CDCP2: variants seen among roughly 807,000 people sequenced by gnomAD.
CDCP2 encodes CUB domain containing protein 2.
Under a neutral mutation model 31.0 loss-of-function variants are expected in CDCP2, and 31 were observed. The ratio of observed to expected loss-of-function variants is 1.00; its 90% confidence interval spans 0.75 to 1.35. CDCP2 has a LOEUF of 1.35. CDCP2 is among the 40% of genes most tolerant of loss of function. The pLI is 0.00. For synonymous variants in CDCP2, 206 were observed against 207.9 expected, an observed-to-expected ratio of 0.99 and a Z score of 0.08; for missense variants, 443 against 482.6, an observed-to-expected ratio of 0.92 and a Z score of 0.77.
exon 4 of CDCP2, chr1:54,139,950 G>T (rs146704826): frequency 2.2e-5 from 35 of 1,614,068 alleles, no homozygotes; most frequent in Non-Finnish European, 2.8e-5. Flanking sequence ...CAGGCTGTTG[G>T]GCTCCTCCAG....
chr1:54,147,317 G>T (rs892552261), intron 1 of CDCP2, among the ~76,000 whole-genome samples: 6 of 151,804 alleles, frequency 4.0e-5, no homozygotes, highest in Non-Finnish European at 2.9e-5. Context: ...TTAGGAAATT[G>T]ATAATAGAAA....
At position 54,139,583 on chromosome 1, in the gene CDCP2, T is replaced by C. The variant is rs371921622; in HGVS notation, c.1117+170A>G. 6 of 1,611,724 alleles carry C rather than the reference T, an allele frequency of 3.7e-6. No homozygotes were observed. In the African/African-American group the frequency reaches 8.0e-5, roughly 22 times the overall value. ...AAGCGGGAGCCGTACCGTCCAGTCT[T>C]AGGGGTCCCGAGAGTGGGCAAGGGT... On this transcript the variant is annotated intron_variant, in intron 4 of 5. Transcript: ENST00000530059.
chr1:54,150,824 A>C (rs903950963), intron 1 of CDCP2, among the ~76,000 whole-genome samples: 1 of 152,172 alleles, frequency 6.6e-6, no homozygotes, highest in African/African-American at 2.4e-5. Flanking sequence ...TGCAACCAAA[A>C]GCATCCTGAA....
exon 3 of CDCP2, chr1:54,141,124 C>T (rs775186450): frequency 4.6e-6 from 7 of 1,537,102 alleles, no homozygotes; most frequent in South Asian, 2.6e-5. Context: ...CTTGAAGCCA[C>T]GGCCTCCGAT....
intron 4 of CDCP2, among the ~76,000 whole-genome samples, chr1:54,137,300 A>G (rs1659274469): frequency 6.6e-6 from 1 of 152,158 alleles, no homozygotes; most frequent in Non-Finnish European, 1.5e-5. Flanking sequence ...GGGAGGGGGC[A>G]ATAAATGTAA....
intron 1 of CDCP2, among the ~76,000 whole-genome samples, chr1:54,145,145 G>C (rs1268920869): frequency 6.6e-6 from 1 of 152,020 alleles, no homozygotes; most frequent in East Asian, 1.9e-4. Flanking sequence ...AGAGTTTATG[G>C]GGCCAGGTGC....
chr1:54,141,390 G>A (rs1659371498), exon 3 of CDCP2: 1 of 1,613,542 alleles, frequency 6.2e-7, no homozygotes, highest in Non-Finnish European at 8.5e-7. Context: ...ACTCAGGACT[G>A]GTGAGGACCC....
chr1:54,148,310 A>G (rs1659510788), intron 1 of CDCP2, among the ~76,000 whole-genome samples: 1 of 151,152 alleles, frequency 6.6e-6, no homozygotes, highest in Non-Finnish European at 1.5e-5. Context: ...ACTTGAACCC[A>G]GTATTTCAAG....
At chr1:54,146,124 A>G (rs1659464163) in intron 1 of CDCP2, among the ~76,000 whole-genome samples, 1 of 152,162 alleles carries the variant, frequency 6.6e-6, no homozygotes, top group Admixed American at 6.6e-5. Context: ...AATAGAGCAA[A>G]TAAGTAAGTT....
chr1:54,133,349 T>G (rs1659198640), intron 5 of CDCP2, 55 bp from the exon 6 acceptor site: 1 of 398,512 alleles, frequency 2.5e-6, no homozygotes, highest in Non-Finnish European at 4.4e-6. Flanking sequence ...TGAACTTGTT[T>G]CCCTATATAT....
At chr1:54,140,758 A>ATGT (rs1334668516) in intron 3 of CDCP2, 5 of 227,138 alleles carry the variant, frequency 2.2e-5, no homozygotes, top group Non-Finnish European at 4.3e-5. Flanking sequence ...AGTACCTACT[A>ATGT]TGTGCCAGGT....
At chr1:54,144,512 C>T (rs141693459) in exon 2 of CDCP2, 189 of 1,602,788 alleles carry the variant, frequency 1.2e-4, no homozygotes, top group Non-Finnish European at 1.5e-4. Context: ...CATGCTTGTC[C>T]GAGTGGAAGA....
chr1:54,149,914 T>C (rs774082629), intron 1 of CDCP2, among the ~76,000 whole-genome samples: 1 of 152,274 alleles, frequency 6.6e-6, no homozygotes, highest in East Asian at 1.9e-4. Flanking sequence ...ATCAGAAAAC[T>C]GAGCCCGGGA....
chr1:54,137,499 C>T (rs779326997), intron 4 of CDCP2, among the ~76,000 whole-genome samples: 3 of 152,162 alleles, frequency 2.0e-5, no homozygotes, highest in Non-Finnish European at 2.9e-5. Flanking sequence ...ACTCATTTTA[C>T]AGGTTTGGAA....
intron 5 of CDCP2, among the ~76,000 whole-genome samples, chr1:54,133,611 A>T (rs961843022): frequency 1.3e-5 from 2 of 152,128 alleles, no homozygotes; most frequent in Non-Finnish European, 2.9e-5. Context: ...TAAAACCCCC[A>T]TGTGGCCGGG....
intron 2 of CDCP2, chr1:54,142,958 A>G (rs1256164478): frequency 2.0e-5 from 3 of 152,238 alleles, no homozygotes; most frequent in Non-Finnish European, 2.9e-5. Context: ...TAAAATTTAA[A>G]TATTCTACAT....
chr1:54,133,913 C>CAAACAAACAAACAAA (rs748829165), intron 5 of CDCP2, among the ~76,000 whole-genome samples: 17 of 144,886 alleles, frequency 1.2e-4, no homozygotes, highest in African/African-American at 3.3e-4. Context: ...AACAAACAAA[C>CAAACAAACAAACAAA]AAAAAAAACC....
intron 1 of CDCP2, among the ~76,000 whole-genome samples, chr1:54,150,438 T>G (rs1334427996): frequency 6.6e-6 from 1 of 151,860 alleles, no homozygotes; most frequent in Non-Finnish European, 1.5e-5. Context: ...CTACTAAAAA[T>G]ACAAAAATTG....
chr1:54,150,230 G>C (rs1659557395), intron 1 of CDCP2, among the ~76,000 whole-genome samples: 1 of 152,212 alleles, frequency 6.6e-6, no homozygotes, highest in Non-Finnish European at 1.5e-5. Flanking sequence ...GACTGGGAGG[G>C]GGAGCCCTGG....
Sources: allele counts gnomAD v4.1 joint callset (sites outside exome capture counted in the v4.1 genomes callset), GRCh38; gene constraint gnomAD v4.1.1; transcripts MANE v1.5; gene names NCBI Gene and HGNC (gene_info 2026-07-23, HGNC 2026-07-21).